Variants in IL1RAPL2 observed in about 807,000 individuals in gnomAD.
IL1RAPL2 encodes X-linked interleukin-1 receptor accessory protein-like 2.
A neutral mutation model predicts 44.1 loss-of-function variants in IL1RAPL2; 3 were observed. The ratio of observed to expected loss-of-function variants is 0.07; its 90% CI spans 0.03 to 0.18. IL1RAPL2 has a LOEUF of 0.18. IL1RAPL2 is among the 10% of genes least tolerant of loss of function. The pLI is 1.00. For missense variants in IL1RAPL2, 391 were observed against 496.4 expected, an observed-to-expected ratio of 0.79 and a Z score of 2.02; for synonymous variants, 181 against 178.8, an observed-to-expected ratio of 1.01 and a Z score of -0.10.
At chrX:105,183,430 A>G (rs1417714294) in intron 2 of IL1RAPL2, among the ~76,000 whole-genome samples, 2 of 111,603 alleles carry the variant, frequency 1.8e-5, no homozygotes, top group African/African-American at 6.5e-5. Context: ...GTTGCTGTCA[A>G]TGGCAGCATC....
At chrX:105,540,795 A>T (rs377522759) in intron 6 of IL1RAPL2, among the ~76,000 whole-genome samples, 2 of 88,168 alleles carry the variant, frequency 2.3e-5, no homozygotes, top group East Asian at 6.6e-4. Context: ...ATATAATATA[A>T]ATATATTAGT....
At chrX:104,936,200 A>G (rs934424320) in intron 2 of IL1RAPL2, among the ~76,000 whole-genome samples, 1 of 111,937 alleles carries the variant, frequency 8.9e-6, no homozygotes, top group Non-Finnish European at 1.9e-5. Flanking sequence ...GTTCCAAAAG[A>G]CAAAGCCATA....
At chrX:105,165,908 A>G (rs939380947) in intron 2 of IL1RAPL2, among the ~76,000 whole-genome samples, 1 of 111,274 alleles carries the variant, frequency 9.0e-6, no homozygotes, top group African/African-American at 3.3e-5. Flanking sequence ...AGCTCCCAAG[A>G]CACCTCATTC....
At chrX:105,739,092 A>G (rs2038474495) in intron 7 of IL1RAPL2, among the ~76,000 whole-genome samples, 1 of 111,258 alleles carries the variant, frequency 9.0e-6, no homozygotes, top group Non-Finnish European at 1.9e-5. Context: ...AGGCAACCAT[A>G]TTCAAGGCCC....
chrX:105,405,536 G>A (rs1241318077), intron 5 of IL1RAPL2: 1 of 500,495 alleles, frequency 2.0e-6, no homozygotes, highest in Non-Finnish European at 3.4e-6. Context: ...GGTGGCAAAG[G>A]GAGGCGAATC....
intron 2 of IL1RAPL2, among the ~76,000 whole-genome samples, chrX:104,997,000 A>G (rs1455814347): frequency 9.0e-6 from 1 of 111,662 alleles, no homozygotes; most frequent in Non-Finnish European, 1.9e-5. Context: ...GGCCACTATC[A>G]CTGGAGCATA....
At chrX:104,894,278 C>G (rs1044962651) in intron 2 of IL1RAPL2, among the ~76,000 whole-genome samples, 4 of 111,167 alleles carry the variant, frequency 3.6e-5, no homozygotes, top group Non-Finnish European at 3.8e-5. Flanking sequence ...TTGCTCTTCT[C>G]GAGGAGCATC....
intron 1 of IL1RAPL2, among the ~76,000 whole-genome samples, chrX:104,585,267 TATATTA>T (rs1928497628): frequency 4.9e-5 from 1 of 20,475 alleles, no homozygotes; most frequent in Non-Finnish European, 6.7e-5. Context: ...ATATATATAA[TATATTA>T]TATATATTAT....
chrX:104,883,523 G>A (rs1411645831), intron 2 of IL1RAPL2, among the ~76,000 whole-genome samples: 1 of 111,411 alleles, frequency 9.0e-6, no homozygotes, highest in Non-Finnish European at 1.9e-5. Flanking sequence ...TTGCCCAAGC[G>A]AGACTCGCCC....
At chrX:104,693,862 G>A (rs950349187) in intron 2 of IL1RAPL2, among the ~76,000 whole-genome samples, 1 of 111,759 alleles carries the variant, frequency 8.9e-6, no homozygotes, top group Non-Finnish European at 1.9e-5. Context: ...GCCTCCATAT[G>A]TCCCAATTAA....
intron 2 of IL1RAPL2, among the ~76,000 whole-genome samples, chrX:104,675,102 G>A (rs868006227): frequency 9.0e-6 from 1 of 111,024 alleles, no homozygotes; most frequent in Admixed American, 9.6e-5. Flanking sequence ...ATTTCCTTCA[G>A]TTCTGCTCTG....
chrX:105,320,395 A>G (rs777822431), intron 5 of IL1RAPL2, among the ~76,000 whole-genome samples: 40 of 111,837 alleles, frequency 3.6e-4, no homozygotes, highest in African/African-American at 1.2e-3. Context: ...TAAGGAGAAG[A>G]AATGGCTGCC....
At chrX:105,231,577 T>C (rs1400943831) in intron 3 of IL1RAPL2, among the ~76,000 whole-genome samples, 1 of 112,631 alleles carries the variant, frequency 8.9e-6, no homozygotes, top group Non-Finnish European at 1.9e-5. Flanking sequence ...AAGCATCTAC[T>C]ATCTATTCAT....
intron 3 of IL1RAPL2, among the ~76,000 whole-genome samples, chrX:105,200,539 A>G (rs112562487): frequency 0.013 from 1,479 of 112,344 alleles, 27 homozygotes; most frequent in African/African-American, 0.046. Flanking sequence ...TTTCTCAACA[A>G]CTTGGAACAA....
intron 2 of IL1RAPL2, among the ~76,000 whole-genome samples, chrX:105,003,335 T>G (rs1247260275): frequency 1.8e-5 from 2 of 111,369 alleles, no homozygotes; most frequent in Non-Finnish European, 3.8e-5. Flanking sequence ...GAGTACTTAA[T>G]TATCACCCAA....
At chrX:105,417,645 C>A (rs1201819315) in intron 5 of IL1RAPL2, among the ~76,000 whole-genome samples, 1 of 111,979 alleles carries the variant, frequency 8.9e-6, no homozygotes, top group African/African-American at 3.3e-5. Flanking sequence ...TACTGTTTAT[C>A]TGCTCAAGTT....
intron 6 of IL1RAPL2, among the ~76,000 whole-genome samples, chrX:105,657,889 A>T (rs1207504112): frequency 9.1e-6 from 1 of 110,451 alleles, no homozygotes; most frequent in African/African-American, 3.3e-5. Flanking sequence ...TGCTGGGATT[A>T]GAGGCATCAG....
At chrX:105,546,853 A>G (rs1158321948) in intron 6 of IL1RAPL2, among the ~76,000 whole-genome samples, 1 of 112,104 alleles carries the variant, frequency 8.9e-6, no homozygotes. Flanking sequence ...CACCACTTCT[A>G]TTTTCTGAAA....
intron 2 of IL1RAPL2, among the ~76,000 whole-genome samples, chrX:105,143,193 C>T (rs187127226): frequency 2.7e-5 from 3 of 111,275 alleles, no homozygotes; most frequent in Non-Finnish European, 5.7e-5. Flanking sequence ...GCAACCTACT[C>T]ATCTGACAAA....
Sources: gnomAD v4.1 joint callset for allele counts (sites outside exome capture counted in the v4.1 genomes callset) on GRCh38, gnomAD v4.1.1 for gene constraint, MANE v1.5 for transcripts, NCBI Gene and HGNC (gene_info 2026-07-23, HGNC 2026-07-21) for gene names.